NCAPD2: variants seen among roughly 807,000 people sequenced by gnomAD.
NCAPD2 encodes condensin complex subunit 1.
A neutral mutation model predicts 164.5 loss-of-function variants in NCAPD2; 100 were observed. The observed-to-expected ratio is 0.61, with a 90% CI of 0.52 to 0.72. The LOEUF (loss-of-function observed/expected upper bound fraction) is 0.72. NCAPD2 is among the 30% of genes least tolerant of loss of function. The probability of loss-of-function intolerance (pLI) is 0.00; values close to 1 mark genes in which losing one functional copy is unlikely to be tolerated. For synonymous variants in NCAPD2, 585 were observed against 642.6 expected (o/e 0.91, Z 1.36); for missense variants, 1,560 against 1,749.2 (o/e 0.89, Z 1.93).
intron 2 of NCAPD2, among the ~76,000 whole-genome samples, chr12:6,497,882 G>A (rs962128696): frequency 3.3e-5 from 5 of 151,014 alleles, no homozygotes; most frequent in African/African-American, 9.8e-5. Context: ...CTCCCAAAGT[G>A]CTGGGATTAC....
At position 6,509,975 on chromosome 12, in the gene NCAPD2, G is replaced by A. The variant is rs967021195; in HGVS notation, c.204-100G>A. 6.5e-6 allele frequency: 9 copies of A among 1,376,442 alleles called. No individual in the cohort carries two copies. The South Asian group carries it at 8.4e-5, about 13-fold the overall frequency. 85.3% of individuals were successfully genotyped at this position (1,376,442 alleles called of 1,614,324 possible). A position where few individuals can be genotyped will look rare whatever the true frequency, so the allele number is the denominator to read the frequency against. ...TTTATTCAGTTGAACAATTTCACGT[G>A]TATTTTTAAACATTCGATTCCACGG... On this transcript the variant is annotated intron_variant, in intron 3 of 31. Transcript: ENST00000315579.
At position 6,526,313 on chromosome 12, in the gene NCAPD2, C is replaced by CT. The variant is rs1946317746; in HGVS notation, c.2510dup (p.Arg838ProfsTer10). 6.2e-7 allele frequency: 1 copy of CT among 1,614,106 alleles called. No homozygotes were observed. Among genetic ancestry groups the CT allele is most frequent in the Non-Finnish European group, 8.5e-7 (1 of 1,180,052 alleles). On this transcript the variant is annotated frameshift_variant, in exon 20 of 32. Coordinates refer to ENST00000315579, the MANE Select transcript of NCAPD2 (RefSeq NM_014865.4). LOFTEE classifies it high-confidence loss of function. Reference sequence around the variant, plus strand: ...CTTCTCTGGGCAAACGTCACCCCCCCTTCCGGCTGCCTCAGGAACACAGGT... The same window carrying CT: ...CTTCTCTGGGCAAACGTCACCCCCCCTTTCCGGCTGCCTCAGGAACACAGGT...
rs1274021392 is a variant in NCAPD2 at position 6,524,411 on chromosome 12, C to T, written c.2214+1065C>T. On this transcript the variant is annotated intron_variant, in intron 17 of 31. Coordinates refer to ENST00000315579, the MANE Select transcript of NCAPD2 (RefSeq NM_014865.4). ...ATCCCAGCACTTTGGGAGGCCAAGGCAGCAGATTACCTGAGGTCTGAGGTC... is the reference window on the plus strand; with the variant it reads ...ATCCCAGCACTTTGGGAGGCCAAGGTAGCAGATTACCTGAGGTCTGAGGTC... Among the ~76,000 whole-genome samples the T allele has an allele frequency of 3.3e-5, 5 of 152,090 alleles. No individual in the cohort carries two copies. In the East Asian group the frequency reaches 7.7e-4, roughly 23 times the overall value.
At chr12:6,509,191 C>T (rs954862701) in intron 2 of NCAPD2, among the ~76,000 whole-genome samples, 2 of 151,850 alleles carry the variant, frequency 1.3e-5, no homozygotes, top group Non-Finnish European at 2.9e-5. Flanking sequence ...TGCTTTTGCT[C>T]AGGTGTGGTG....
At chr12:6,525,997 C>T in intron 18 of NCAPD2, 71 bp from the exon 19 acceptor site, 2 of 1,564,568 alleles carry the variant, frequency 1.3e-6, no homozygotes, top group Non-Finnish European at 1.7e-6. Flanking sequence ...GGTACCTACC[C>T]CTATTGGCCC....
In NCAPD2 at chr12:6,522,965, C is replaced by A; in HGVS notation, c.2092C>A (p.Arg698Ser). Reference protein sequence around the residue: ...GVREAVLNAYRQLYLNPKGDS... With the variant: ...GVREAVLNAYSQLYLNPKGDS... ...CCGGGAAGCCGTGCTTAATGCCTACCGCCAACTCTACCTCAACCCCAAAGG... is the reference window on the plus strand; with the variant it reads ...CCGGGAAGCCGTGCTTAATGCCTACAGCCAACTCTACCTCAACCCCAAAGG... Residue 698 changes from arginine (R) to serine (S), a missense_variant, in exon 16 of 32, where the codon CGC (arginine) becomes AGC (serine). By Grantham distance (110) the Arg-to-Ser change is moderately radical (BLOSUM62 -1). Transcript: ENST00000315579. 6.2e-7 allele frequency: 1 copy of A among 1,614,172 alleles called. No individual in the cohort carries two copies. Among genetic ancestry groups the A allele is most frequent in the Non-Finnish European group, 8.5e-7 (1 of 1,180,038 alleles).
Position 6,517,233 on chromosome 12 carries a change from CCTAAT to C in NCAPD2, c.1186-128_1186-124del, listed in dbSNP as rs1037933944. On this transcript the variant is annotated intron_variant, in intron 10 of 31. Transcript: ENST00000315579. ...GTGTCTTACCACTACAAGGAGTACT[CCTAAT>C]CTATATTCTGTAGAAAGGGTTTTTA... The C allele has an allele frequency of 1.1e-4, 151 of 1,385,886 alleles. No individual in the cohort carries two copies. In the Admixed American group the frequency reaches 3.3e-3, roughly 30 times the overall value. The allele number at this position is 1,385,886 out of a possible 1,614,324, so 85.8% of individuals were successfully genotyped here.
rs547810462 is a variant in NCAPD2, at chr12:6,498,826, C to A, written c.127+3601C>A. The stretch of plus-strand genomic sequence containing the variant: ...TTCACCATGTTGGCCAGGATGGTCT[C>A]GATCTCCTGACCTTGGATCTGCCCA... On this transcript the variant is annotated intron_variant, in intron 2 of 31. Coordinates refer to ENST00000315579, the MANE Select transcript of NCAPD2 (RefSeq NM_014865.4). 3.9e-4 allele frequency among the ~76,000 whole-genome samples: 59 copies of A among 152,124 alleles called. 1 individual carries two copies. In the South Asian group the frequency reaches 0.012, roughly 32 times the overall value.
chr12:6,504,235 A>ACC (rs1946077943), intron 2 of NCAPD2, among the ~76,000 whole-genome samples: 1 of 91,088 alleles, frequency 1.1e-5, no homozygotes, highest in Non-Finnish European at 2.1e-5. Context: ...ATATATATAT[A>ACC]TATATATACC....
Position 6,528,252 on chromosome 12 carries a change from C to T in NCAPD2, c.3223C>T (p.Leu1075Phe), listed in dbSNP as rs1378279199. The T allele has an allele frequency of 6.2e-6, 10 of 1,613,950 alleles. No individual in the cohort carries two copies. In the East Asian group the frequency reaches 1.8e-4, roughly 29 times the overall value. Reference sequence around the variant, plus strand: ...TCCACTTCCCATTGTCCGGTCTAACCTCATGGTTGCCACTGGGGATCTGGC... The same window carrying T: ...TCCACTTCCCATTGTCCGGTCTAACTTCATGGTTGCCACTGGGGATCTGGC... ...KSPLPIVRSN[L>F]MVATGDLAIR... Residue 1075 changes from leucine to phenylalanine, a missense_variant, in exon 25 of 32, where the codon CTC (leucine) becomes TTC (phenylalanine). Coordinates refer to ENST00000315579, the MANE Select transcript of NCAPD2 (RefSeq NM_014865.4). The surrounding 1 kb of genome is among the most constrained non-coding windows in gnomAD (Gnocchi z 5.1).
chr12:6,505,669 T>C (rs993186718), intron 2 of NCAPD2, among the ~76,000 whole-genome samples: 1 of 152,020 alleles, frequency 6.6e-6, no homozygotes, highest in Non-Finnish European at 1.5e-5. Context: ...TAAAACCCTG[T>C]CTCTACTAAA....
At chr12:6,527,121 GC>G (rs1309285644) in intron 22 of NCAPD2, 58 bp downstream of exon 22, 52 of 1,495,326 alleles carry the variant, frequency 3.5e-5, no homozygotes, top group Admixed American at 6.6e-5. Flanking sequence ...TCAGAACTGA[GC>G]TGATCCCCTT....
intron 6 of NCAPD2, among the ~76,000 whole-genome samples, chr12:6,511,519 G>A (rs1484224610): frequency 6.6e-6 from 1 of 152,060 alleles, no homozygotes; most frequent in Non-Finnish European, 1.5e-5. Context: ...TAATAGAGAC[G>A]GGTTTTGCCA....
rs190729237 is a variant in NCAPD2, at chr12:6,531,496, T to G, written c.*84T>G. ...TTCTGTTTCCCTTGTAAAATATTTGTCTGTCTCTTTTTTTTAAAAAAAAAA... is the reference window on the plus strand; with the variant it reads ...TTCTGTTTCCCTTGTAAAATATTTGGCTGTCTCTTTTTTTTAAAAAAAAAA... On this transcript the variant is annotated 3_prime_UTR_variant, in exon 32 of 32. Coordinates refer to ENST00000315579, the MANE Select transcript of NCAPD2 (RefSeq NM_014865.4). This position sits in a 1 kb window ranked among gnomAD's most constrained non-coding sequence, Gnocchi z 4.1. 348 of 1,549,174 alleles carry G rather than the reference T, an allele frequency of 2.2e-4. 3 individuals carry two copies. In the African/African-American group the frequency reaches 4.1e-3, roughly 18 times the overall value.
chr12:6,504,196 T>TACACATATATATATAC (rs1385610511), intron 2 of NCAPD2, among the ~76,000 whole-genome samples: 1 of 92,866 alleles, frequency 1.1e-5, no homozygotes, highest in African/African-American at 4.1e-5. Flanking sequence ...TATATATATA[T>TACACATATATATATAC]ATATATATAT....
At chr12:6,507,157 T>G (rs78028117) in intron 2 of NCAPD2, among the ~76,000 whole-genome samples, 1,870 of 152,304 alleles carry the variant, frequency 0.012, 14 homozygotes, top group Admixed American at 0.023. Context: ...ATTTATTTAT[T>G]TTTGAGATGG....
chr12:6,529,052 G>A lies in NCAPD2; in HGVS notation c.3572+13G>A, dbSNP rs748093930. On this transcript the variant is annotated intron_variant, in intron 27 of 31. Coordinates refer to ENST00000315579, the MANE Select transcript of NCAPD2 (RefSeq NM_014865.4). Reference sequence around the variant, plus strand: ...ACACCATCATGAAGTATTGCTCCCCGGGCCCTGGGGCACATTTTCCACATA... The same window carrying A: ...ACACCATCATGAAGTATTGCTCCCCAGGCCCTGGGGCACATTTTCCACATA... 7 of 1,606,444 alleles carry A rather than the reference G, an allele frequency of 4.4e-6. No individual in the cohort carries two copies. Among genetic ancestry groups the A allele is most frequent in the Admixed American group, 3.3e-5 (2 of 59,994 alleles).
intron 8 of NCAPD2, 39 bp from the exon 9 acceptor site, chr12:6,514,734 G>C: frequency 6.2e-7 from 1 of 1,611,474 alleles, no homozygotes; most frequent in Non-Finnish European, 8.5e-7. Flanking sequence ...CTGAATAATT[G>C]ATCTATGTTG....
intron 6 of NCAPD2, among the ~76,000 whole-genome samples, chr12:6,513,660 A>C (rs1179080406): frequency 2.0e-5 from 3 of 147,760 alleles, no homozygotes; most frequent in African/African-American, 7.6e-5. Flanking sequence ...ACCACTTGAG[A>C]TGCAGATTGA....
Sources: allele counts gnomAD v4.1 joint callset (sites outside exome capture counted in the v4.1 genomes callset), GRCh38; gene constraint gnomAD v4.1.1; non-coding constraint Gnocchi (gnomAD v3.1); transcripts MANE v1.5; gene names NCBI Gene and HGNC (gene_info 2026-07-23, HGNC 2026-07-21).